The following NFAT5 variants were observed in gnomAD, a reference collection of about 807,000 sequenced individuals.
The protein encoded by NFAT5 is nuclear factor of activated T cells 5.
NFAT5 carries 31 observed loss-of-function variants against 166.5 expected under a neutral mutation model. The ratio of observed to expected loss-of-function variants is 0.19; its 90% CI spans 0.14 to 0.25. The LOEUF (loss-of-function observed/expected upper bound fraction) is 0.25. Ranked by LOEUF, NFAT5 falls within the 10% of genes least tolerant of loss-of-function variation. The pLI is 1.00. For synonymous variants in NFAT5, 612 were observed against 639.7 expected (o/e 0.96, Z 0.65); for missense variants, 1,449 against 1,821.8 (o/e 0.80, Z 3.72).
Position 69,691,976 on chromosome 16 carries a change from C to A in NFAT5, c.2151C>A (p.Pro717=), listed in dbSNP as rs763671810. The change falls in exon 13 of 15, where the codon CCC becomes CCA. Residue 717 remains proline, a synonymous_variant. Transcript: ENST00000349945. The part of the protein sequence containing the change: ...FPAVSASSQL[P]NSDALLQQAT... ...CAGTTTCTGCTTCTAGTCAGCTGCC[C>A]AACAGCGATGCACTATTGCAGCAGG... is the stretch of plus-strand genomic sequence containing the variant. 1.2e-6 allele frequency: 2 copies of A among 1,614,078 alleles called. No individual in the cohort carries two copies. Among genetic ancestry groups the A allele is most frequent in the East Asian group, 4.5e-5 (2 of 44,876 alleles).
intron 4 of NFAT5, among the ~76,000 whole-genome samples, chr16:69,651,691 A>G (rs965524452): frequency 7.1e-6 from 1 of 140,786 alleles, no homozygotes. Flanking sequence ...TTTTTTTGAG[A>G]CGGAGTTTTG....
At chr16:69,600,021 A>G (rs1008554101) in intron 2 of NFAT5, among the ~76,000 whole-genome samples, 15 of 152,212 alleles carry the variant, frequency 9.9e-5, no homozygotes, top group African/African-American at 3.1e-4. Context: ...GAGAAAATCA[A>G]TTAGGAGGTA....
intron 2 of NFAT5, among the ~76,000 whole-genome samples, chr16:69,585,859 G>C (rs570906917): frequency 1.5e-4 from 23 of 152,170 alleles, no homozygotes; most frequent in Non-Finnish European, 2.8e-4. Flanking sequence ...TGGGGGTTGG[G>C]GAGGAATGGG....
intron 2 of NFAT5, among the ~76,000 whole-genome samples, chr16:69,580,678 T>C (rs2031616738): frequency 1.3e-5 from 2 of 152,182 alleles, no homozygotes; most frequent in South Asian, 4.1e-4. Context: ...ATTTTTGAGA[T>C]GGTGTCTCGC....
intron 2 of NFAT5, among the ~76,000 whole-genome samples, chr16:69,583,733 A>G (rs1452137858): frequency 6.6e-6 from 1 of 152,156 alleles, no homozygotes; most frequent in Non-Finnish European, 1.5e-5. Context: ...ACCTGGCACA[A>G]ATGCTTTGTA....
At chr16:69,676,616 CATGGAGCTTACAT>C (rs1323129378) in intron 9 of NFAT5, among the ~76,000 whole-genome samples, 1 of 152,098 alleles carries the variant, frequency 6.6e-6, no homozygotes. Context: ...CCTAGATCCT[CATGGAGCTTACAT>C]TCTTATGTTT....
At chr16:69,662,902 T>TC (rs35574305) in intron 7 of NFAT5, among the ~76,000 whole-genome samples, 36,113 of 152,058 alleles carry the variant, frequency 0.24, 4,616 homozygotes, top group East Asian at 0.45. Context: ...ATAAAAATGA[T>TC]CTACAGTAAA....
intron 10 of NFAT5, among the ~76,000 whole-genome samples, chr16:69,684,454 G>A (rs1028922073): frequency 1.7e-4 from 26 of 150,552 alleles, no homozygotes; most frequent in Admixed American, 6.6e-5. Context: ...CCAGCTACTC[G>A]GGAGGCTGAG....
chr16:69,667,270 T>A (rs1330482412), intron 7 of NFAT5, among the ~76,000 whole-genome samples: 1 of 151,560 alleles, frequency 6.6e-6, no homozygotes, highest in African/African-American at 2.4e-5. Context: ...CATGTATACA[T>A]ATGTAACTAA....
chr16:69,583,729 C>T (rs1338545322), intron 2 of NFAT5, among the ~76,000 whole-genome samples: 2 of 152,010 alleles, frequency 1.3e-5, no homozygotes, highest in African/African-American at 2.4e-5. Context: ...TAACACCTGG[C>T]ACAAATGCTT....
chr16:69,625,405 G>A (rs948045106), intron 2 of NFAT5, among the ~76,000 whole-genome samples: 1 of 151,966 alleles, frequency 6.6e-6, no homozygotes, highest in African/African-American at 2.4e-5. Flanking sequence ...GAATACAAAA[G>A]TAATCGTAAT....
chr16:69,631,260 G>A (rs983665983), intron 3 of NFAT5, among the ~76,000 whole-genome samples: 3 of 151,980 alleles, frequency 2.0e-5, no homozygotes, highest in Non-Finnish European at 4.4e-5. Flanking sequence ...GTGAAACCCC[G>A]TCTCTACTAA....
chr16:69,626,649 A>T (rs756551385), intron 3 of NFAT5, 121 bp downstream of exon 3: 10 of 756,240 alleles, frequency 1.3e-5, no homozygotes, highest in Non-Finnish European at 1.7e-5. Flanking sequence ...AAAAAGAGGC[A>T]TTAAAATATG....
Position 69,703,355 on chromosome 16 carries a change from A to T in NFAT5, c.*7004A>T, listed in dbSNP as rs1462556829. 2 of 152,634 alleles carry T rather than the reference A, an allele frequency of 1.3e-5. No individual in the cohort carries two copies. Among genetic ancestry groups the T allele is most frequent in the African/African-American group, 2.4e-5 (1 of 41,448 alleles). The allele number at this position is 152,634 out of a possible 1,614,324, so 9.5% of individuals were successfully genotyped here. ...CCTTGGAGCTTATGTTTCAGACAAG[A>T]ATTATTTACTAAAATAAATAATAAA... On this transcript the variant is annotated 3_prime_UTR_variant, in exon 15 of 15. Transcript: ENST00000349945.
chr16:69,590,841 A>G (rs1187696363), intron 2 of NFAT5, among the ~76,000 whole-genome samples: 1 of 152,202 alleles, frequency 6.6e-6, no homozygotes, highest in Admixed American at 6.5e-5. Flanking sequence ...ACAAAGGAGA[A>G]TCTTTCAGGT....
chr16:69,590,152 C>G (rs566996752), intron 2 of NFAT5, among the ~76,000 whole-genome samples: 2 of 151,980 alleles, frequency 1.3e-5, no homozygotes, highest in Non-Finnish European at 2.9e-5. Flanking sequence ...CCAGCTTGGG[C>G]GACAGAATGA....
intron 2 of NFAT5, among the ~76,000 whole-genome samples, chr16:69,569,294 G>C (rs2016295221): frequency 1.4e-5 from 2 of 146,950 alleles, no homozygotes. Flanking sequence ...CCATTGTAGA[G>C]AAGAGAAACT....
At chr16:69,593,940 C>G (rs754232062) in intron 2 of NFAT5, among the ~76,000 whole-genome samples, 7 of 152,122 alleles carry the variant, frequency 4.6e-5, no homozygotes, top group South Asian at 2.1e-4. Flanking sequence ...TGTTCATTAA[C>G]CTAGTAGGGC....
intron 2 of NFAT5, among the ~76,000 whole-genome samples, chr16:69,598,870 C>T (rs537962207): frequency 1.3e-5 from 2 of 151,676 alleles, no homozygotes; most frequent in African/African-American, 4.8e-5. Flanking sequence ...AAAAATTAGC[C>T]GGGCGCGATG....
Sources: gnomAD v4.1 joint callset for allele counts (sites outside exome capture counted in the v4.1 genomes callset) on GRCh38, gnomAD v4.1.1 for gene constraint, MANE v1.5 for transcripts, NCBI Gene and HGNC (gene_info 2026-07-23, HGNC 2026-07-21) for gene names.